The following DMD variants were observed in gnomAD, a reference collection of about 807,000 sequenced individuals.
DMD encodes the protein mutant dystrophin.
In DMD, 63 loss-of-function variants were observed where a neutral mutation model predicts 330.1. The observed-to-expected ratio is 0.19, with a 90% CI of 0.16 to 0.24. DMD has a LOEUF of 0.24. Ranked by LOEUF, DMD falls within the 10% of genes least tolerant of loss-of-function variation. The probability of loss-of-function intolerance (pLI) is 1.00; values close to 1 mark genes in which losing one functional copy is unlikely to be tolerated. For missense variants in DMD, 3,344 were observed against 2,684.1 expected (o/e 1.25, Z -5.43); for synonymous variants, 1,223 against 959.8 (o/e 1.27, Z -5.07).
At chrX:32,659,976 T>A (rs1294474104) in intron 9 of DMD, among the ~76,000 whole-genome samples, 1 of 110,671 alleles carries the variant, frequency 9.0e-6, no homozygotes, top group Non-Finnish European at 1.9e-5. Context: ...ACCCTCTGCC[T>A]CAAGGAAAGT....
intron 55 of DMD, among the ~76,000 whole-genome samples, chrX:31,615,027 G>C (rs1350994515): frequency 9.0e-6 from 1 of 111,610 alleles, no homozygotes; most frequent in African/African-American, 3.2e-5. Context: ...GAATTTTCCA[G>C]TAGGATGGGT....
At chrX:32,175,143 G>A (rs6653862) in intron 44 of DMD, among the ~76,000 whole-genome samples, 9,150 of 111,035 alleles carry the variant, frequency 0.082, 923 homozygotes, top group African/African-American at 0.28. Flanking sequence ...ATATATGCTC[G>A]TGAAACTATA....
At chrX:32,674,564 G>A (rs746809326) in intron 9 of DMD, among the ~76,000 whole-genome samples, 1 of 111,182 alleles carries the variant, frequency 9.0e-6, no homozygotes, top group Non-Finnish European at 1.9e-5. Context: ...CTAGATATGC[G>A]CTCGGTTTTT....
At chrX:32,517,197 T>C (rs757063608) in intron 18 of DMD, 5 of 111,844 alleles carry the variant, frequency 4.5e-5, no homozygotes, top group Non-Finnish European at 7.5e-5. Context: ...GATCTTCCCA[T>C]GGATAAAATT....
intron 47 of DMD, among the ~76,000 whole-genome samples, chrX:31,902,594 A>G (rs2094436370): frequency 8.9e-6 from 1 of 111,999 alleles, no homozygotes; most frequent in South Asian, 3.7e-4. Flanking sequence ...TTTGCTGATT[A>G]GGTGATGAAA....
chrX:32,353,379 G>T lies in DMD; in HGVS notation c.5326-4851C>A, dbSNP rs1229087660. On this transcript the variant is annotated intron_variant, in intron 37 of 78. Transcript: ENST00000357033. ...ATAAGAAAGCGTTTATAATTTAACA[G>T]CTCATTCTTGAGTCACCAAATTTTA... Among the ~76,000 whole-genome samples the T allele has an allele frequency of 1.6e-4, 18 of 111,611 alleles. No homozygotes were observed. In the Admixed American group the frequency reaches 1.7e-3, roughly 11 times the overall value.
rs1055770660 is a variant in DMD, at chrX:32,480,514, G to A, written c.2803+4405C>T. On this transcript the variant is annotated intron_variant, in intron 21 of 78. Transcript: ENST00000357033. ...CTACGTGTTTATATACACAGAATGT[G>A]TCTACGTGTGTATATACACAGTATG... 3.6e-5 allele frequency among the ~76,000 whole-genome samples: 4 copies of A among 110,616 alleles called. No individual in the cohort carries two copies. The South Asian group carries it at 1.5e-3, about 41-fold the overall frequency.
At chrX:31,584,012 G>T (rs985589279) in intron 55 of DMD, among the ~76,000 whole-genome samples, 2 of 103,308 alleles carry the variant, frequency 1.9e-5, no homozygotes, top group African/African-American at 7.1e-5. Flanking sequence ...TGTGGTGTTT[G>T]GTTTTTTGTC....
intron 55 of DMD, among the ~76,000 whole-genome samples, chrX:31,522,261 T>C (rs1402341305): frequency 9.6e-6 from 1 of 103,849 alleles, no homozygotes; most frequent in African/African-American, 3.6e-5. Flanking sequence ...CAGAGCTAAG[T>C]AACTCCGGAG....
At chrX:32,253,913 C>T (rs1603629320) in intron 43 of DMD, among the ~76,000 whole-genome samples, 1 of 111,953 alleles carries the variant, frequency 8.9e-6, no homozygotes, top group African/African-American at 3.2e-5. Context: ...TGAGCCACCA[C>T]GCCTGGTCAA....
chrX:33,295,154 A>G (rs1384715022), intron 1 of DMD, among the ~76,000 whole-genome samples: 1 of 111,775 alleles, frequency 8.9e-6, no homozygotes, highest in African/African-American at 3.2e-5. Context: ...AATAAATTAT[A>G]TTAAAGCAAC....
intron 17 of DMD, among the ~76,000 whole-genome samples, chrX:32,539,891 T>TG (rs781000971): frequency 9.6e-4 from 108 of 111,920 alleles, no homozygotes; most frequent in African/African-American, 3.3e-3. Context: ...GCTTACATTC[T>TG]GTCTGCTTAC....
chrX:33,070,673 C>CTCTATATA (rs1192910156), intron 1 of DMD, among the ~76,000 whole-genome samples: 6 of 35,640 alleles, frequency 1.7e-4, no homozygotes, highest in African/African-American at 2.6e-4. Flanking sequence ...CTCTCTCTCT[C>CTCTATATA]TATATATATA....
At chrX:32,878,590 A>C (rs1402984465) in intron 2 of DMD, among the ~76,000 whole-genome samples, 4 of 111,403 alleles carry the variant, frequency 3.6e-5, no homozygotes, top group Non-Finnish European at 7.5e-5. Context: ...ACTTTAGAAA[A>C]TCTCTAAAAA....
Position 32,375,796 on chromosome X carries a change from G to A in DMD, c.4845+4714C>T, listed in dbSNP as rs4829121. 3.2e-3 allele frequency among the ~76,000 whole-genome samples: 360 copies of A among 111,420 alleles called. 1 individual carries two copies. Among genetic ancestry groups the A allele is most frequent in the Non-Finnish European group, 5.4e-3 (286 of 53,081 alleles). On this transcript the variant is annotated intron_variant, in intron 34 of 78. Coordinates refer to ENST00000357033, the MANE Select transcript of DMD (RefSeq NM_004006.3). The stretch of plus-strand genomic sequence containing the variant: ...TCCTTTGTGTAAATGGTAACACACT[G>A]CAACATTTAAGGTGTTTCCAATTTT...
chrX:31,711,111 T>C (rs985764011), intron 52 of DMD, among the ~76,000 whole-genome samples: 1 of 110,455 alleles, frequency 9.1e-6, no homozygotes, highest in African/African-American at 3.3e-5. Context: ...TTTTGTAAAA[T>C]TGTGCCCTTT....
At chrX:33,009,475 T>A (rs187727595) in intron 2 of DMD, among the ~76,000 whole-genome samples, 2 of 89,361 alleles carry the variant, frequency 2.2e-5, no homozygotes, top group African/African-American at 8.9e-5. Flanking sequence ...TATGTGTGTA[T>A]GTGTATACAC....
intron 2 of DMD, among the ~76,000 whole-genome samples, chrX:32,981,049 G>A (rs1199805439): frequency 9.0e-6 from 1 of 111,456 alleles, no homozygotes; most frequent in African/African-American, 3.3e-5. Context: ...GTTCATTTCT[G>A]CTTTCTTAAT....
intron 42 of DMD, among the ~76,000 whole-genome samples, chrX:32,309,615 A>G (rs1426223365): frequency 5.4e-5 from 6 of 111,406 alleles, no homozygotes; most frequent in African/African-American, 1.9e-4. Context: ...ATTCAATTTT[A>G]TTCCATATGT....
Sources: allele counts gnomAD v4.1 joint callset (sites outside exome capture counted in the v4.1 genomes callset), GRCh38; gene constraint gnomAD v4.1.1; transcripts MANE v1.5; gene names NCBI Gene and HGNC (gene_info 2026-07-23, HGNC 2026-07-21).